Variants in PNISR observed in about 807,000 individuals in gnomAD.
PNISR encodes the protein PNN interacting serine and arginine rich protein, also known as arginine/serine-rich protein PNISR.
A neutral mutation model predicts 93.4 loss-of-function variants in PNISR; 20 were observed. The ratio of observed to expected loss-of-function variants is 0.21; its 90% CI spans 0.15 to 0.31. The LOEUF (loss-of-function observed/expected upper bound fraction) is 0.31. Among genes scored for constraint, PNISR ranks in the 10% least tolerant of loss-of-function variants. The pLI is 1.00. For missense variants in PNISR, 893 were observed against 985.4 expected, an observed-to-expected ratio of 0.91 and a Z score of 1.25; for synonymous variants, 305 against 306.5, an observed-to-expected ratio of 0.99 and a Z score of 0.05.
chr6:99,402,486 A>G, intron 11 of PNISR, 54 bp downstream of exon 11: 1 of 1,290,440 alleles, frequency 7.7e-7, no homozygotes. Flanking sequence ...TTAGTTAAAA[A>G]ATAAAAAGAA....
At chr6:99,420,437 A>G (rs535696189) in intron 1 of PNISR, among the ~76,000 whole-genome samples, 1 of 152,350 alleles carries the variant, frequency 6.6e-6, no homozygotes, top group South Asian at 2.1e-4. Flanking sequence ...ACATAGCACA[A>G]TGCTTGATAA....
intron 9 of PNISR, 145 bp downstream of exon 9, chr6:99,404,458 C>T (rs746175532): frequency 3.1e-5 from 21 of 688,002 alleles, no homozygotes; most frequent in Admixed American, 4.1e-5. Context: ...ATGGTGTCTA[C>T]GAATCTAATC....
rs547647789 is a variant in PNISR at position 99,399,340 on chromosome 6, T to A, written c.*1200A>T. 1 of 152,212 alleles carries A rather than the reference T, an allele frequency of 6.6e-6. No homozygotes were observed. The highest frequency in any genetic ancestry group is 2.1e-4 in the South Asian group (1 of 4,828). The allele number at this position is 152,212 out of a possible 1,614,324, so 9.4% of individuals were successfully genotyped here. On this transcript the variant is annotated 3_prime_UTR_variant, in exon 12 of 12. Coordinates refer to ENST00000369239, the MANE Select transcript of PNISR (RefSeq NM_032870.4). Reference sequence around the variant, plus strand: ...CTTAAACTGTTAGACCACTCACTAATCATAATTTTAAGAAACGGACAAAAT... The same window carrying A: ...CTTAAACTGTTAGACCACTCACTAAACATAATTTTAAGAAACGGACAAAAT...
Position 99,400,613 on chromosome 6 carries a change from C to G in PNISR, c.2345G>C (p.Arg782Pro), listed in dbSNP as rs201505989. 5 of 1,613,936 alleles carry G rather than the reference C, an allele frequency of 3.1e-6. No homozygotes were observed. Among genetic ancestry groups the G allele is most frequent in the South Asian group, 1.1e-5 (1 of 91,088 alleles). Residue 782 changes from arginine (R) to proline (P), a missense_variant, in exon 12 of 12, where the codon CGA (arginine) becomes CCA (proline). Transcript: ENST00000369239. The stretch of plus-strand genomic sequence containing the variant: ...AGACCTTTGAGATTTCTCCACGGAT[C>G]GCGATCGACTATGTTTAGGCTTCTT... ...KAKKPKHSRS[R>P]SVEKSQRSGK...
At position 99,410,525 on chromosome 6, in the gene PNISR, G is replaced by A. The variant is rs138696195; in HGVS notation, c.501+216C>T. 1.1e-4 allele frequency: 56 copies of A among 504,530 alleles called. No homozygotes were observed. The East Asian group carries it at 1.3e-3, about 12-fold the overall frequency. The allele number at this position is 504,530 out of a possible 1,614,324, so 31.3% of individuals were successfully genotyped here. ...TTTTTAATTTTTTCAAAAGTTTTCC[G>A]TAATGATCTTTTATACCATTTTCCT... On this transcript the variant is annotated intron_variant, in intron 5 of 11. Coordinates refer to ENST00000369239, the MANE Select transcript of PNISR (RefSeq NM_032870.4).
At chr6:99,419,474 G>A (rs867724402) in intron 1 of PNISR, among the ~76,000 whole-genome samples, 3 of 151,698 alleles carry the variant, frequency 2.0e-5, no homozygotes, top group East Asian at 1.9e-4. Context: ...TGCATTAAGC[G>A]AAAAAAAGGG....
Position 99,400,631 on chromosome 6 carries a change from G to C in PNISR, c.2327C>G (p.Pro776Arg). Residue 776 changes from proline (P) to arginine (R), a missense_variant, in exon 12 of 12, where the codon CCT becomes CGT. Physicochemically the swap from Pro to Arg is moderately radical, Grantham distance 103. Transcript: ENST00000369239. ...GSSKEKKAKK[P>R]KHSRSRSVEK... ...CACGGATCGCGATCGACTATGTTTA[G>C]GCTTCTTAGCCTTCTTTTCTTTGCT... The C allele has an allele frequency of 6.2e-7, 1 of 1,613,978 alleles. No homozygotes were observed. Among genetic ancestry groups the C allele is most frequent in the Non-Finnish European group, 8.5e-7 (1 of 1,179,962 alleles).
intron 8 of PNISR, among the ~76,000 whole-genome samples, chr6:99,405,348 T>TC (rs954974615): frequency 5.3e-5 from 8 of 151,860 alleles, no homozygotes; most frequent in African/African-American, 1.7e-4. Context: ...GCACCTGCAA[T>TC]CCCAACTACT....
Position 99,399,089 on chromosome 6 carries a change from G to C in PNISR, c.*1451C>G, listed in dbSNP as rs1473581681. On this transcript the variant is annotated 3_prime_UTR_variant, in exon 12 of 12. Transcript: ENST00000369239. ...TTCATGTTGAGGAAACACTGATCTTGGCAAAAATCTGGCATGATTTTTAAA... is the reference window on the plus strand; with the variant it reads ...TTCATGTTGAGGAAACACTGATCTTCGCAAAAATCTGGCATGATTTTTAAA... 6.6e-6 allele frequency: 1 copy of C among 152,006 alleles called. No homozygotes were observed. Among genetic ancestry groups the C allele is most frequent in the Non-Finnish European group, 1.5e-5 (1 of 67,926 alleles). The allele number at this position is 152,006 out of a possible 1,614,324, so 9.4% of individuals were successfully genotyped here. A position where few individuals can be genotyped will look rare whatever the true frequency, so the allele number is the denominator to read the frequency against.
chr6:99,405,323 C>A (rs1776019908), intron 8 of PNISR, among the ~76,000 whole-genome samples: 2 of 151,954 alleles, frequency 1.3e-5, no homozygotes, highest in South Asian at 4.2e-4. Flanking sequence ...AAAAATTAGC[C>A]AGGCATGGTG....
At chr6:99,422,459 G>A (rs888476088) in intron 1 of PNISR, among the ~76,000 whole-genome samples, 1 of 152,192 alleles carries the variant, frequency 6.6e-6, no homozygotes, top group African/African-American at 2.4e-5. Flanking sequence ...GGTGGAAATG[G>A]CACTGGTAAA....
intron 1 of PNISR, among the ~76,000 whole-genome samples, chr6:99,421,500 A>G (rs892516148): frequency 1.3e-5 from 2 of 152,126 alleles, no homozygotes; most frequent in African/African-American, 4.8e-5. Flanking sequence ...TAAAAAGGAG[A>G]CATAAGACAC....
chr6:99,425,019 C>T, intron 1 of PNISR, 196 bp downstream of exon 1: 1 of 389,816 alleles, frequency 2.6e-6, no homozygotes, highest in Non-Finnish European at 4.5e-6. Flanking sequence ...TTAACAAGGA[C>T]ATTTCCTTTT....
At chr6:99,418,906 T>C (rs1562260781) in intron 1 of PNISR, among the ~76,000 whole-genome samples, 1 of 152,088 alleles carries the variant, frequency 6.6e-6, no homozygotes. Flanking sequence ...CCTAGCACTT[T>C]GGGAGGCTGA....
chr6:99,425,115 G>T (rs558045050), intron 1 of PNISR, 100 bp downstream of exon 1: 1,121 of 752,034 alleles, frequency 1.5e-3, no homozygotes, highest in Non-Finnish European at 1.7e-3. Context: ...GCCAAGCAGC[G>T]TACGCAGCCT....
intron 1 of PNISR, 22 bp downstream of exon 1, chr6:99,425,193 A>G (rs3811073): frequency 0.49 from 602,730 of 1,225,770 alleles, 150,182 homozygotes; most frequent in East Asian, 0.73. Flanking sequence ...GTGCCCACGT[A>G]TAATTGTTCT....
intron 1 of PNISR, among the ~76,000 whole-genome samples, chr6:99,417,359 C>A (rs1163272374): frequency 6.6e-6 from 1 of 152,154 alleles, no homozygotes; most frequent in East Asian, 1.9e-4. Flanking sequence ...TTTAGTTCCC[C>A]TTTTAAGTTT....
rs901420083 is a variant in PNISR at position 99,404,592 on chromosome 6, C to T, written c.1102+11G>A. 3.3e-6 allele frequency: 5 copies of T among 1,509,108 alleles called. No individual in the cohort carries two copies. The African/African-American group carries it at 6.9e-5, about 21-fold the overall frequency. 93.5% of individuals were successfully genotyped at this position (1,509,108 alleles called of 1,614,324 possible). On this transcript the variant is annotated intron_variant, in intron 9 of 11. Coordinates refer to ENST00000369239, the MANE Select transcript of PNISR (RefSeq NM_032870.4). ...CCCAGGAAAAGCAAAACCAGAAACA[C>T]CAAAATATACCTTTCGTTGCTTTGC... is the stretch of plus-strand genomic sequence containing the variant.
Position 99,398,721 on chromosome 6 carries a change from G to C in PNISR, c.*1819C>G, listed in dbSNP as rs903131903. On this transcript the variant is annotated 3_prime_UTR_variant, in exon 12 of 12. Coordinates refer to ENST00000369239, the MANE Select transcript of PNISR (RefSeq NM_032870.4). ...AAGATTGATCTAAAAAACATTTTAA[G>C]ATATGAAAATGTTATACAACTTATC... The C allele has an allele frequency of 6.6e-6, 1 of 152,040 alleles. No homozygotes were observed. Among genetic ancestry groups the C allele is most frequent in the African/African-American group, 2.4e-5 (1 of 41,432 alleles). The allele number at this position is 152,040 out of a possible 1,614,324, so 9.4% of individuals were successfully genotyped here.
Sources: gnomAD v4.1 joint callset for allele counts (sites outside exome capture counted in the v4.1 genomes callset) on GRCh38, gnomAD v4.1.1 for gene constraint, MANE v1.5 for transcripts, NCBI Gene and HGNC (gene_info 2026-07-23, HGNC 2026-07-21) for gene names.